The following NCBP3 variants were observed in gnomAD, a reference collection of about 807,000 sequenced individuals.
NCBP3 encodes nuclear cap binding subunit 3.
NCBP3 carries 20 observed loss-of-function variants against 75.7 expected under a neutral mutation model. The observed-to-expected ratio is 0.26, with a 90% CI of 0.19 to 0.38. NCBP3 has a LOEUF of 0.38. Among genes scored for constraint, NCBP3 ranks in the 10% least tolerant of loss-of-function variants. The pLI, the probability that NCBP3 is intolerant of heterozygous loss-of-function variation, is 1.00. For missense variants in NCBP3, 678 were observed against 796.9 expected, an observed-to-expected ratio of 0.85 and a Z score of 1.80; for synonymous variants, 293 against 290.5, an observed-to-expected ratio of 1.01 and a Z score of -0.09.
At chr17:3,826,972 A>G (rs1403255706) in intron 4 of NCBP3, among the ~76,000 whole-genome samples, 4 of 151,782 alleles carry the variant, frequency 2.6e-5, no homozygotes, top group African/African-American at 9.7e-5. Flanking sequence ...ATGATGCCAC[A>G]CTGCACTCCA....
At chr17:3,826,511 G>T (rs937820372) in intron 4 of NCBP3, among the ~76,000 whole-genome samples, 1 of 152,098 alleles carries the variant, frequency 6.6e-6, no homozygotes, top group African/African-American at 2.4e-5. Context: ...TGAGCCGGTA[G>T]TCCCAGCTAC....
At position 3,806,221 on chromosome 17, in the gene NCBP3, G is replaced by C. The variant is rs961012409; in HGVS notation, c.*6823C>G. ...AGCCTCCCAAGTAGCTGGGACTACA[G>C]GTACCCACCACCACGCCCAGCTAAT... is the stretch of plus-strand genomic sequence containing the variant. On this transcript the variant is annotated 3_prime_UTR_variant, in exon 13 of 13. Transcript: ENST00000389005. 1 of 152,270 alleles carries C rather than the reference G, an allele frequency of 6.6e-6. No homozygotes were observed. Among genetic ancestry groups the C allele is most frequent in the African/African-American group, 2.4e-5 (1 of 41,438 alleles). 9.4% of individuals were successfully genotyped at this position (152,270 alleles called of 1,614,324 possible).
chr17:3,824,621 C>A (rs952933946), intron 7 of NCBP3: 1 of 190,794 alleles, frequency 5.2e-6, no homozygotes, highest in East Asian at 1.6e-4. Flanking sequence ...TTCAGGAGGA[C>A]GTTGCTGTAA....
intron 4 of NCBP3, among the ~76,000 whole-genome samples, chr17:3,828,886 C>T (rs2053831033): frequency 6.6e-6 from 1 of 152,126 alleles, no homozygotes; most frequent in African/African-American, 2.4e-5. Context: ...ATGACAAAGT[C>T]CAAGGCTCTG....
intron 3 of NCBP3, among the ~76,000 whole-genome samples, chr17:3,832,052 C>T (rs2053887059): frequency 8.4e-6 from 1 of 119,664 alleles, no homozygotes. Flanking sequence ...TGTGTGGTGG[C>T]ATGTGCCTGT....
intron 4 of NCBP3, among the ~76,000 whole-genome samples, chr17:3,826,749 A>AAG (rs751771558): frequency 1.3e-5 from 2 of 151,606 alleles, no homozygotes; most frequent in East Asian, 1.9e-4. Context: ...AAGAAAGAAA[A>AAG]AGAGAGAGAG....
chr17:3,826,314 C>A, intron 4 of NCBP3, 99 bp from the exon 5 acceptor site: 1 of 1,144,612 alleles, frequency 8.7e-7, no homozygotes, highest in Admixed American at 2.8e-5. Context: ...CCTCATCTAG[C>A]AACAGATTAT....
At chr17:3,823,080 G>C (rs1020976088) in intron 7 of NCBP3, among the ~76,000 whole-genome samples, 1 of 152,222 alleles carries the variant, frequency 6.6e-6, no homozygotes, top group Non-Finnish European at 1.5e-5. Flanking sequence ...TTGGGAGGCT[G>C]AGGCGGGCGG....
chr17:3,825,340 C>T (rs972181206), intron 6 of NCBP3, among the ~76,000 whole-genome samples: 1 of 152,164 alleles, frequency 6.6e-6, no homozygotes, highest in Admixed American at 6.5e-5. Flanking sequence ...AGAATGCAGG[C>T]TCCGAGAGGG....
At chr17:3,836,018 A>C (rs2053966108) in intron 3 of NCBP3, among the ~76,000 whole-genome samples, 1 of 152,230 alleles carries the variant, frequency 6.6e-6, no homozygotes, top group South Asian at 2.1e-4. Context: ...GTGAAACGGA[A>C]ATAATCAACA....
intron 2 of NCBP3, among the ~76,000 whole-genome samples, chr17:3,841,037 C>T (rs564337932): frequency 1.3e-5 from 2 of 152,202 alleles, no homozygotes; most frequent in South Asian, 4.1e-4. Flanking sequence ...GCCAGGCTGC[C>T]ACGATCTCAG....
chr17:3,830,555 A>G (rs1648687350), intron 3 of NCBP3, among the ~76,000 whole-genome samples: 1 of 152,240 alleles, frequency 6.6e-6, no homozygotes, highest in African/African-American at 2.4e-5. Flanking sequence ...GTTGAAGGCT[A>G]TGGTCAAAAA....
Position 3,821,288 on chromosome 17 carries a change from C to A in NCBP3, c.961G>T (p.Asp321Tyr). 6.2e-7 allele frequency: 1 copy of A among 1,614,088 alleles called. No homozygotes were observed. The highest frequency in any genetic ancestry group is 2.2e-5 in the East Asian group (1 of 44,882). Residue 321 changes from aspartate (D) to tyrosine (Y), a missense_variant, in exon 9 of 13, where the codon GAT becomes TAT. Physicochemically the swap from Asp to Tyr is radical, Grantham distance 160. Coordinates refer to ENST00000389005, the MANE Select transcript of NCBP3 (RefSeq NM_001114118.3). ...TTATACGACGTCAAGCCAACGTCAT[C>A]CCCAATCAGGGCTCTCTTCTTGATC... is the stretch of plus-strand genomic sequence containing the variant. The part of the protein sequence containing the change: ...DVIKKRALIG[D>Y]DVGLTSYKHR...
At chr17:3,839,774 T>C (rs1367742958) in intron 3 of NCBP3, among the ~76,000 whole-genome samples, 1 of 152,204 alleles carries the variant, frequency 6.6e-6, no homozygotes, top group Non-Finnish European at 1.5e-5. Flanking sequence ...AAAGAAAAGT[T>C]AACACCTCTA....
At position 3,821,928 on chromosome 17, in the gene NCBP3, T is replaced by C. The variant is rs773916096; in HGVS notation, c.896+25A>G. On this transcript the variant is annotated intron_variant, in intron 8 of 12. Transcript: ENST00000389005. ...AGGATTAAGAAAAACTCAAATACTATTGCATTTGAAGGTTTTGGACTCACC... is the reference window on the plus strand; with the variant it reads ...AGGATTAAGAAAAACTCAAATACTACTGCATTTGAAGGTTTTGGACTCACC... 40 of 1,443,382 alleles carry C rather than the reference T, an allele frequency of 2.8e-5. No homozygotes were observed. In the South Asian group the frequency reaches 4.0e-4, roughly 14 times the overall value. The allele number at this position is 1,443,382 out of a possible 1,614,324, so 89.4% of individuals were successfully genotyped here.
intron 4 of NCBP3, among the ~76,000 whole-genome samples, chr17:3,826,917 G>A (rs1193682133): frequency 2.0e-5 from 3 of 148,842 alleles, no homozygotes; most frequent in East Asian, 4.1e-4. Flanking sequence ...GGAGGCTGAG[G>A]CAGAATGGCG....
At chr17:3,835,743 T>C (rs551437262) in intron 3 of NCBP3, among the ~76,000 whole-genome samples, 24 of 152,364 alleles carry the variant, frequency 1.6e-4, no homozygotes, top group Non-Finnish European at 2.5e-4. Flanking sequence ...CTAGATGACC[T>C]CTGAGGTCTC....
intron 6 of NCBP3, 35 bp downstream of exon 6, chr17:3,825,732 A>C: frequency 6.8e-7 from 1 of 1,472,648 alleles, no homozygotes; most frequent in Non-Finnish European, 9.2e-7. Flanking sequence ...AATTTTTTAC[A>C]ATAACTTTAC....
intron 3 of NCBP3, among the ~76,000 whole-genome samples, chr17:3,837,553 G>C (rs1024080152): frequency 6.6e-6 from 1 of 151,224 alleles, no homozygotes; most frequent in Non-Finnish European, 1.5e-5. Flanking sequence ...TCAGGAGCTT[G>C]AAACCCTGTC....
Sources: allele counts gnomAD v4.1 joint callset (sites outside exome capture counted in the v4.1 genomes callset), GRCh38; gene constraint gnomAD v4.1.1; transcripts MANE v1.5; gene names NCBI Gene and HGNC (gene_info 2026-07-23, HGNC 2026-07-21).